The following RASA3 variants were observed in gnomAD, a reference collection of about 807,000 sequenced individuals.
RASA3 encodes ras GTPase-activating protein 3.
Under a neutral mutation model 110.0 loss-of-function variants are expected in RASA3, and 73 were observed. That is an observed-to-expected ratio of 0.66 (90% CI 0.55 to 0.81). The LOEUF (loss-of-function observed/expected upper bound fraction) is 0.81. Among genes scored for constraint, RASA3 ranks in the 30% least tolerant of loss-of-function variants. The pLI is 0.00. For missense variants in RASA3, 976 were observed against 1,113.2 expected (o/e 0.88, Z 1.75); for synonymous variants, 500 against 451.4 (o/e 1.11, Z -1.37).
rs2053544512 is a variant in RASA3 at position 114,007,593 on chromosome 13, A to G, written c.1682T>C (p.Ile561Thr). 3 of 1,612,996 alleles carry G rather than the reference A, an allele frequency of 1.9e-6. No individual in the cohort carries two copies. Among genetic ancestry groups the G allele is most frequent in the Non-Finnish European group, 2.5e-6 (3 of 1,179,410 alleles). ...ADAVKNFLDL[I>T]SSSGRRDPKS... ...GGGGTCTCTTCTCCCCGAGGACGAA[A>G]TCAGATCCAAGAACTAAAGTTGGAA... Residue 561 changes from isoleucine (I) to threonine (T), a missense_variant, in exon 18 of 24, where the codon ATT (isoleucine) becomes ACT (threonine). Around this residue, in one of 4 missense-constraint regions of RASA3, gnomAD observed 732 missense variants for 779.7 expected, o/e 0.94. Transcript: ENST00000334062.
intron 7 of RASA3, 79 bp downstream of exon 7, chr13:114,027,310 T>G: frequency 8.3e-7 from 1 of 1,206,036 alleles, no homozygotes; most frequent in Non-Finnish European, 1.2e-6. Flanking sequence ...GAGACTGAGA[T>G]CATTCTGGAT....
intron 22 of RASA3, among the ~76,000 whole-genome samples, chr13:113,991,783 T>G (rs2053119886): frequency 6.6e-6 from 1 of 152,256 alleles, no homozygotes; most frequent in African/African-American, 2.4e-5. Flanking sequence ...TACCCACATA[T>G]ATGCATGCTG....
intron 1 of RASA3, among the ~76,000 whole-genome samples, chr13:114,119,178 A>G (rs533031664): frequency 6.6e-6 from 1 of 152,120 alleles, no homozygotes; most frequent in Non-Finnish European, 1.5e-5. Context: ...AAATAAACTT[A>G]AAAAAAGGCA....
At chr13:114,073,886 T>G in intron 1 of RASA3, 49 bp from the exon 2 acceptor site, 1 of 1,428,730 alleles carries the variant, frequency 7.0e-7, no homozygotes, top group Non-Finnish European at 9.9e-7. Context: ...AAATGTTTGT[T>G]CCCTGCTACA....
chr13:113,984,727 A>G lies in RASA3; in HGVS notation c.2246-2869T>C, dbSNP rs1238566885. Among the ~76,000 whole-genome samples the G allele has an allele frequency of 1.1e-3, 97 of 92,104 alleles. 8 individuals carry two copies. In the East Asian group the frequency reaches 0.035, roughly 33 times the overall value. 60.4% of individuals were successfully genotyped at this position (92,104 alleles called of 152,430 possible). A position where few individuals can be genotyped will look rare whatever the true frequency, so the allele number is the denominator to read the frequency against. On this transcript the variant is annotated intron_variant, in intron 22 of 23. Transcript: ENST00000334062. ...CATCACTCACCCTGTCCATCCATCC[A>G]TCACTCACCCATCTGTCCATCCACC...
At chr13:114,044,910 A>AACTGGCACATGATTACAAGTCTTT (rs1301631325) in intron 3 of RASA3, among the ~76,000 whole-genome samples, 10 of 152,156 alleles carry the variant, frequency 6.6e-5, no homozygotes, top group African/African-American at 2.4e-4. Context: ...AAAATCTTGT[A>AACTGGCACATGATTACAAGTCTTT]ACTGGCACAT....
chr13:114,025,863 G>A (rs1267831635), intron 7 of RASA3, among the ~76,000 whole-genome samples: 2 of 152,272 alleles, frequency 1.3e-5, no homozygotes, highest in South Asian at 2.1e-4. Flanking sequence ...CTCCCTCCCC[G>A]GGGCTCAGCC....
chr13:113,980,555 C>T (rs1011075647), intron 23 of RASA3, among the ~76,000 whole-genome samples: 15 of 152,254 alleles, frequency 9.9e-5, no homozygotes, highest in South Asian at 4.1e-4. Context: ...CATCATGCTT[C>T]GCGCATTTTC....
chr13:114,021,792 A>G lies in RASA3; in HGVS notation c.681-284T>C, dbSNP rs1449567160. ...CTCTTAGATAGGAGGGAGCCTGGGC[A>G]TCGCTGCGTGCACCCAGAAGCTACA... On this transcript the variant is annotated intron_variant, in intron 8 of 23. Coordinates refer to ENST00000334062, the MANE Select transcript of RASA3 (RefSeq NM_007368.4). 4.6e-5 allele frequency among the ~76,000 whole-genome samples: 7 copies of G among 152,104 alleles called. No individual in the cohort carries two copies. The East Asian group carries it at 7.8e-4, about 17-fold the overall frequency.
rs897923366 is a variant in RASA3, at chr13:114,014,635, G to A, written c.1405+574C>T. On this transcript the variant is annotated intron_variant, in intron 14 of 23. Coordinates refer to ENST00000334062, the MANE Select transcript of RASA3 (RefSeq NM_007368.4). This position sits in a 1 kb window ranked among gnomAD's most constrained non-coding sequence, Gnocchi z 4.5. ...GGCACCCAGCTCCTCCCTGAGGGTC[G>A]GCAAGGTTGAGAAGTGGGGTTTGGG... is the stretch of plus-strand genomic sequence containing the variant. Among the ~76,000 whole-genome samples, 5 of 152,090 alleles carry A rather than the reference G, an allele frequency of 3.3e-5. No homozygotes were observed. Among genetic ancestry groups the A allele is most frequent in the Admixed American group, 6.5e-5 (1 of 15,282 alleles).
At chr13:113,981,982 A>C in intron 22 of RASA3, 124 bp from the exon 23 acceptor site, 1 of 840,034 alleles carries the variant, frequency 1.2e-6, no homozygotes, top group East Asian at 2.7e-5. Context: ...TCCTCCAGAA[A>C]GGGCTGACCA....
At chr13:114,001,415 C>CA (rs1275297829) in intron 18 of RASA3, among the ~76,000 whole-genome samples, 24 of 145,670 alleles carry the variant, frequency 1.6e-4, no homozygotes, top group Non-Finnish European at 2.2e-4. Flanking sequence ...GACGCTCACA[C>CA]ACAGAGGACC....
chr13:114,007,705 T>C, intron 17 of RASA3, 99 bp from the exon 18 acceptor site: 3 of 986,082 alleles, frequency 3.0e-6, no homozygotes, highest in Non-Finnish European at 4.8e-6. Context: ...GCCTCCTTTG[T>C]AATACCAGTG....
chr13:113,983,368 C>T lies in RASA3; in HGVS notation c.2246-1510G>A, dbSNP rs547560518. On this transcript the variant is annotated intron_variant, in intron 22 of 23. Transcript: ENST00000334062. ...CCTCGTGTTCTGGGAGGGTGGAACTCGCGAGTGATGACATCAGACACGTAA... is the reference window on the plus strand; with the variant it reads ...CCTCGTGTTCTGGGAGGGTGGAACTTGCGAGTGATGACATCAGACACGTAA... Among the ~76,000 whole-genome samples, 6 of 127,958 alleles carry T rather than the reference C, an allele frequency of 4.7e-5. 1 individual carries two copies. The highest frequency in any genetic ancestry group is 8.9e-5 in the Non-Finnish European group (5 of 56,088). 83.9% of individuals were successfully genotyped at this position (127,958 alleles called of 152,430 possible).
intron 1 of RASA3, among the ~76,000 whole-genome samples, chr13:114,095,237 T>C (rs2079928227): frequency 2.0e-5 from 3 of 152,220 alleles, no homozygotes; most frequent in Admixed American, 1.3e-4. Flanking sequence ...TTTTCTGCAA[T>C]TATTTTTTAT....
At chr13:114,031,143 G>A (rs1044542295) in intron 4 of RASA3, among the ~76,000 whole-genome samples, 10 of 151,554 alleles carry the variant, frequency 6.6e-5, no homozygotes, top group African/African-American at 1.9e-4. Flanking sequence ...GTGCATGTTC[G>A]CCTGTGTGTG....
At chr13:113,989,679 A>T (rs1476270458) in intron 22 of RASA3, among the ~76,000 whole-genome samples, 1 of 141,128 alleles carries the variant, frequency 7.1e-6, no homozygotes, top group Non-Finnish European at 1.5e-5. Flanking sequence ...CCATCCATCC[A>T]TCCACCCGTC....
At chr13:114,120,682 A>G (rs1318703509) in intron 1 of RASA3, among the ~76,000 whole-genome samples, 3 of 152,240 alleles carry the variant, frequency 2.0e-5, no homozygotes, top group Non-Finnish European at 2.9e-5. Context: ...AACAATCCCC[A>G]CAGAGAAACT....
At chr13:114,021,592 A>C (rs954802197) in intron 8 of RASA3, 84 bp from the exon 9 acceptor site, 7 of 1,145,002 alleles carry the variant, frequency 6.1e-6, no homozygotes, top group South Asian at 5.2e-5. Flanking sequence ...TTGTTCCCCC[A>C]GGAGCAGAAT....
Sources: allele counts gnomAD v4.1 joint callset (sites outside exome capture counted in the v4.1 genomes callset), GRCh38; gene constraint gnomAD v4.1.1; regional missense constraint gnomAD v4.1.1; non-coding constraint Gnocchi (gnomAD v3.1); transcripts MANE v1.5; gene names NCBI Gene and HGNC (gene_info 2026-07-23, HGNC 2026-07-21).